Variants in FGF13 observed in about 807,000 individuals in gnomAD.
The protein encoded by FGF13 is fibroblast growth factor homologous factor 2.
Under a neutral mutation model 19.5 loss-of-function variants are expected in FGF13, and 2 were observed. The ratio of observed to expected loss-of-function variants is 0.10; its 90% confidence interval spans 0.04 to 0.32. The LOEUF (loss-of-function observed/expected upper bound fraction) is 0.32, where lower values mean the gene tolerates loss of function less well. Ranked by LOEUF, FGF13 falls within the 10% of genes least tolerant of loss-of-function variation. FGF13 has a pLI of 1.00. For synonymous variants in FGF13, 72 were observed against 76.9 expected (o/e 0.94, Z 0.33); for missense variants, 113 against 192.7 (o/e 0.59, Z 2.45).
chrX:139,146,191 A>C (rs781279307), intron 1 of FGF13, among the ~76,000 whole-genome samples: 5 of 111,950 alleles, frequency 4.5e-5, no homozygotes, highest in Admixed American at 3.8e-4. Context: ...CAACCTACAG[A>C]ATGGGAGAAA....
chrX:138,890,397 G>A (rs1223473148), intron 1 of FGF13, among the ~76,000 whole-genome samples: 1 of 111,265 alleles, frequency 9.0e-6, no homozygotes, highest in Non-Finnish European at 1.9e-5. Flanking sequence ...TGAATCATTG[G>A]TGTCATTATT....
intron 1 of FGF13, among the ~76,000 whole-genome samples, chrX:138,732,783 C>CT (rs1462403088): frequency 9.0e-6 from 1 of 111,058 alleles, no homozygotes; most frequent in Non-Finnish European, 1.9e-5. Flanking sequence ...TACACAACTG[C>CT]TTGTGTATGG....
At chrX:139,092,879 C>T (rs1412199827) in intron 1 of FGF13, among the ~76,000 whole-genome samples, 3 of 111,991 alleles carry the variant, frequency 2.7e-5, no homozygotes, top group African/African-American at 9.7e-5. Context: ...ATTTGACTTT[C>T]TCCACTAAGA....
At chrX:138,979,050 A>G (rs924048171) in intron 1 of FGF13, among the ~76,000 whole-genome samples, 18 of 112,056 alleles carry the variant, frequency 1.6e-4, no homozygotes, top group Non-Finnish European at 3.2e-4. Context: ...TAGTCACCTT[A>G]CCTGCTTCAA....
chrX:138,760,335 G>A (rs1602798302), intron 3 of FGF13, among the ~76,000 whole-genome samples: 1 of 111,712 alleles, frequency 9.0e-6, no homozygotes. Context: ...AGAAAGCAAG[G>A]AATAAAATCC....
chrX:138,716,333 C>A (rs775953814), upstream of FGF13: 1 of 112,148 alleles, frequency 8.9e-6, no homozygotes, highest in East Asian at 2.8e-4. Flanking sequence ...CAAGTACCAC[C>A]TTTTGTGGTC....
rs770003270 is a variant in FGF13 at position 138,656,790 on chromosome X, G to A, written c.403-21135C>T. ...AATCTTATAGGTAGGTACTACTAAA[G>A]TGTGAAACAAATGGCAGGCAGACTC... On this transcript the variant is annotated intron_variant, in intron 3 of 4. Coordinates refer to ENST00000315930, the MANE Select transcript of FGF13 (RefSeq NM_004114.5). Among the ~76,000 whole-genome samples, 3 of 111,888 alleles carry A rather than the reference G, an allele frequency of 2.7e-5. No homozygotes were observed. The East Asian group carries it at 8.5e-4, about 32-fold the overall frequency.
chrX:139,086,843 C>T (rs1230248294), intron 1 of FGF13, among the ~76,000 whole-genome samples: 1 of 112,753 alleles, frequency 8.9e-6, no homozygotes, highest in African/African-American at 3.2e-5. Context: ...GTGTGGCCAA[C>T]ATGTAAACAC....
chrX:139,138,217 G>A lies in FGF13; in HGVS notation c.-113+65199C>T, dbSNP rs145861385. Among the ~76,000 whole-genome samples the A allele has an allele frequency of 5.9e-3, 660 of 111,932 alleles. 2 individuals carry two copies. The highest frequency in any genetic ancestry group is 0.02 in the African/African-American group (611 of 30,833). ...ATCCCCAAATTACAGATGGTAAAACGGAAGGTTAGAGGAACCAAGTAACTT... is the reference window on the plus strand; with the variant it reads ...ATCCCCAAATTACAGATGGTAAAACAGAAGGTTAGAGGAACCAAGTAACTT... On this transcript the variant is annotated intron_variant, in intron 1 of 2. Transcript: ENST00000421460.
intron 3 of FGF13, among the ~76,000 whole-genome samples, chrX:138,651,478 A>G (rs1406234299): frequency 1.8e-5 from 2 of 112,143 alleles, no homozygotes; most frequent in African/African-American, 3.2e-5. Flanking sequence ...TTCTGAATAT[A>G]TAATAATAGA....
intron 1 of FGF13, among the ~76,000 whole-genome samples, chrX:138,889,210 A>G (rs1245081405): frequency 8.9e-6 from 1 of 111,890 alleles, no homozygotes; most frequent in Non-Finnish European, 1.9e-5. Context: ...GAACTACAGA[A>G]GAGAATGGCC....
intron 1 of FGF13, among the ~76,000 whole-genome samples, chrX:139,103,841 G>A (rs1409412800): frequency 1.8e-5 from 2 of 111,967 alleles, no homozygotes; most frequent in Admixed American, 1.9e-4. Context: ...TAGACTGAAA[G>A]GAAGATGGAG....
intron 3 of FGF13, among the ~76,000 whole-genome samples, chrX:138,832,182 T>A (rs2091078853): frequency 8.9e-6 from 1 of 112,394 alleles, no homozygotes; most frequent in African/African-American, 3.2e-5. Context: ...TATCCAGTAA[T>A]GGGATTGTTG....
chrX:139,024,062 T>C (rs1319044990), intron 1 of FGF13, among the ~76,000 whole-genome samples: 2 of 111,008 alleles, frequency 1.8e-5, no homozygotes, highest in African/African-American at 6.5e-5. Flanking sequence ...TTAGGTCCAT[T>C]AAAACAATTT....
chrX:138,803,473 T>C (rs2090844275), intron 3 of FGF13, among the ~76,000 whole-genome samples: 1 of 112,013 alleles, frequency 8.9e-6, no homozygotes, highest in African/African-American at 3.2e-5. Flanking sequence ...TCCATGGTAT[T>C]CATTTCTGCT....
In FGF13 at chrX:139,108,838, C is replaced by T. The variant is rs1041683790; in HGVS notation, c.-113+94578G>A. ...TATTTTTCCAAATGCTCTCCCTCCC[C>T]CAACCCCACCCCCCAACAGGCCCCA... On this transcript the variant is annotated intron_variant, in intron 1 of 2. Coordinates refer to the FGF13 transcript ENST00000421460. Among the ~76,000 whole-genome samples the T allele has an allele frequency of 9.5e-5, 10 of 105,355 alleles. No homozygotes were observed. In the East Asian group the frequency reaches 2.5e-3, roughly 26 times the overall value. 91.5% of individuals were successfully genotyped at this position (105,355 alleles called of 115,157 possible).
Position 138,625,033 on chromosome X carries a change from T to C in FGF13, c.*7817A>G, listed in dbSNP as rs1470546397. 3 of 110,679 alleles carry C rather than the reference T, an allele frequency of 2.7e-5. No individual in the cohort carries two copies. The Admixed American group carries it at 2.9e-4, about 11-fold the overall frequency. The allele number at this position is 110,679 out of a possible 1,213,427, so 9.1% of individuals were successfully genotyped here. On this transcript the variant is annotated 3_prime_UTR_variant, in exon 5 of 5. Transcript: ENST00000315930. ...TTGAAAAATGGACCAAGGAGCTGAATAGACATCTCTCCAAGGAAGACATAC... is the reference window on the plus strand; with the variant it reads ...TTGAAAAATGGACCAAGGAGCTGAACAGACATCTCTCCAAGGAAGACATAC...
intron 1 of FGF13, among the ~76,000 whole-genome samples, chrX:139,138,125 G>A (rs779977272): frequency 1.8e-5 from 2 of 112,263 alleles, no homozygotes; most frequent in South Asian, 7.4e-4. Context: ...CAGGAACTAT[G>A]CTAAGCATAT....
intron 1 of FGF13, among the ~76,000 whole-genome samples, chrX:138,958,890 C>T (rs941903797): frequency 4.5e-5 from 5 of 111,047 alleles, no homozygotes; most frequent in African/African-American, 9.8e-5. Context: ...TTTTTTATTG[C>T]GACTATTTGA....
Sources: allele counts gnomAD v4.1 joint callset (sites outside exome capture counted in the v4.1 genomes callset), GRCh38; gene constraint gnomAD v4.1.1; transcripts MANE v1.5; gene names NCBI Gene and HGNC (gene_info 2026-07-23, HGNC 2026-07-21).